LMX1A: variants seen among roughly 807,000 people sequenced by gnomAD.
LMX1A encodes LIM homeobox transcription factor 1-alpha.
Under a neutral mutation model 49.1 loss-of-function variants are expected in LMX1A, and 15 were observed. The observed-to-expected ratio is 0.31, with a 90% CI of 0.20 to 0.47. The LOEUF (loss-of-function observed/expected upper bound fraction) is 0.47. Among genes scored for constraint, LMX1A ranks in the 20% least tolerant of loss-of-function variants. The pLI is 1.00. For synonymous variants in LMX1A, 167 were observed against 185.7 expected (o/e 0.90, Z 0.82); for missense variants, 372 against 475.8 (o/e 0.78, Z 2.03).
chr1:165,236,246 G>C (rs1372326000), intron 4 of LMX1A, among the ~76,000 whole-genome samples: 11 of 152,178 alleles, frequency 7.2e-5, no homozygotes, highest in Non-Finnish European at 1.6e-4. Flanking sequence ...AAGCCTCCGC[G>C]TGCTGGGTTA....
At chr1:165,242,251 A>G (rs940564258) in intron 4 of LMX1A, among the ~76,000 whole-genome samples, 3 of 152,206 alleles carry the variant, frequency 2.0e-5, no homozygotes, top group African/African-American at 7.2e-5. Flanking sequence ...AACGGAGGCT[A>G]TGGAACTGCT....
chr1:165,249,348 C>T, intron 4 of LMX1A, 60 bp downstream of exon 4: 1 of 1,203,538 alleles, frequency 8.3e-7, no homozygotes, highest in Non-Finnish European at 1.2e-6. Context: ...ACAATGCAGA[C>T]AGCCACCCAA....
At chr1:165,275,319 T>C (rs1333261773) in intron 3 of LMX1A, among the ~76,000 whole-genome samples, 2 of 152,224 alleles carry the variant, frequency 1.3e-5, no homozygotes, top group Non-Finnish European at 2.9e-5. Flanking sequence ...AATACATTAA[T>C]GGCAGTTATT....
At chr1:165,323,307 T>C (rs1007100053) in intron 3 of LMX1A, among the ~76,000 whole-genome samples, 2 of 152,196 alleles carry the variant, frequency 1.3e-5, no homozygotes, top group African/African-American at 4.8e-5. Context: ...ACCAAATCTA[T>C]GTAAGGTCAT....
At chr1:165,269,942 G>A (rs1653747246) in intron 3 of LMX1A, among the ~76,000 whole-genome samples, 1 of 151,972 alleles carries the variant, frequency 6.6e-6, no homozygotes, top group South Asian at 2.1e-4. Flanking sequence ...AATGAATGCT[G>A]GGCTTAATAC....
intron 3 of LMX1A, among the ~76,000 whole-genome samples, chr1:165,310,264 G>A (rs555443079): frequency 6.6e-6 from 1 of 152,218 alleles, no homozygotes; most frequent in African/African-American, 2.4e-5. Context: ...CCCAGATTTG[G>A]TCTCTTTCCA....
chr1:165,356,332 T>C (rs1656617918), intron 1 of LMX1A, 23 bp downstream of exon 1: 2 of 152,214 alleles, frequency 1.3e-5, no homozygotes, highest in Admixed American at 6.5e-5. Flanking sequence ...AGCCACAGCC[T>C]AGGCACGGGC....
chr1:165,225,188 G>A (rs1248049238), intron 4 of LMX1A, among the ~76,000 whole-genome samples: 2 of 152,232 alleles, frequency 1.3e-5, no homozygotes, highest in Non-Finnish European at 2.9e-5. Context: ...ACTTGGTCAG[G>A]AGGCCCTCAG....
chr1:165,241,042 T>G (rs1002981810), intron 4 of LMX1A, among the ~76,000 whole-genome samples: 16 of 152,214 alleles, frequency 1.1e-4, no homozygotes, highest in African/African-American at 2.7e-4. Context: ...CAGAAGTAAC[T>G]TCAAGACTGT....
intron 3 of LMX1A, among the ~76,000 whole-genome samples, chr1:165,349,946 T>C (rs1347825606): frequency 6.6e-6 from 1 of 152,218 alleles, no homozygotes; most frequent in Non-Finnish European, 1.5e-5. Flanking sequence ...GTTAATATTA[T>C]GCCTATGATT....
Position 165,353,060 on chromosome 1 carries a change from G to A in LMX1A, c.263+16C>T, listed in dbSNP as rs1367161673. ...TGCCAGTGCGCGGGGAGCGCTGCGG[G>A]GGTGCGGCCACTTACTTCTCGTAGT... On this transcript the variant is annotated intron_variant, in intron 3 of 8. Coordinates refer to ENST00000342310, the MANE Select transcript of LMX1A (RefSeq NM_177398.4). 1.1e-5 allele frequency: 18 copies of A among 1,613,014 alleles called. No individual in the cohort carries two copies. Among genetic ancestry groups the A allele is most frequent in the Non-Finnish European group, 1.4e-5 (16 of 1,179,426 alleles).
chr1:165,321,807 A>G lies in LMX1A; in HGVS notation c.263+31269T>C, dbSNP rs77944138. Among the ~76,000 whole-genome samples, 1,356 of 152,348 alleles carry G rather than the reference A, an allele frequency of 8.9e-3. 10 individuals are homozygous for G. The highest frequency in any genetic ancestry group is 0.014 in the South Asian group (67 of 4,832). Reference sequence around the variant, plus strand: ...TTCTGCATCGAAAGACACAATCAAGAAAATGAAAAGACAACCCACAGAATA... The same window carrying G: ...TTCTGCATCGAAAGACACAATCAAGGAAATGAAAAGACAACCCACAGAATA... On this transcript the variant is annotated intron_variant, in intron 3 of 8. Transcript: ENST00000342310.
Position 165,355,610 on chromosome 1 carries a change from A to G in LMX1A, c.-22-29T>C. On this transcript the variant is annotated intron_variant, in intron 1 of 8. Transcript: ENST00000342310. The surrounding 1 kb of genome is among the most constrained non-coding windows in gnomAD (Gnocchi z 4.7). Reference sequence around the variant, plus strand: ...TAGAGGAGAAGAAACGATGCGTCTGACGTCCGTGCCCGCTGGGACTCGGCG... The same window carrying G: ...TAGAGGAGAAGAAACGATGCGTCTGGCGTCCGTGCCCGCTGGGACTCGGCG... The G allele has an allele frequency of 1.3e-6, 2 of 1,565,448 alleles. No individual in the cohort carries two copies. The highest frequency in any genetic ancestry group is 1.8e-6 in the Non-Finnish European group (2 of 1,142,164).
Position 165,255,096 on chromosome 1 carries a change from C to G in LMX1A, c.264-5456G>C, listed in dbSNP as rs561051541. On this transcript the variant is annotated intron_variant, in intron 3 of 8. Transcript: ENST00000342310. ...GATGCCGTGATAAATAAGGCTGTCCCTCTCCTTAGGGAGTTCACATTCTCT... is the reference window on the plus strand; with the variant it reads ...GATGCCGTGATAAATAAGGCTGTCCGTCTCCTTAGGGAGTTCACATTCTCT... Among the ~76,000 whole-genome samples, 3 of 152,322 alleles carry G rather than the reference C, an allele frequency of 2.0e-5. No individual in the cohort carries two copies. The South Asian group carries it at 6.2e-4, about 32-fold the overall frequency.
intron 3 of LMX1A, among the ~76,000 whole-genome samples, chr1:165,298,956 T>A (rs928227156): frequency 2.0e-5 from 3 of 152,254 alleles, no homozygotes; most frequent in South Asian, 2.1e-4. Flanking sequence ...TACTAAGCTG[T>A]CTTCAATAAT....
At position 165,282,880 on chromosome 1, in the gene LMX1A, T is replaced by C. The variant is rs72702438; in HGVS notation, c.264-33240A>G. Among the ~76,000 whole-genome samples, 386 of 152,366 alleles carry C rather than the reference T, an allele frequency of 2.5e-3. 2 individuals are homozygous for C. The highest frequency in any genetic ancestry group is 4.1e-3 in the Non-Finnish European group (281 of 68,036). On this transcript the variant is annotated intron_variant, in intron 3 of 8. Transcript: ENST00000342310. ...CAGTCAGAGTAATCTTTTTAAAATG[T>C]AAATCATCAGTCCTCAGTGTAAAGC...
intron 3 of LMX1A, among the ~76,000 whole-genome samples, chr1:165,352,574 CGCACAGG>C (rs1447632638): frequency 6.6e-6 from 1 of 152,240 alleles, no homozygotes; most frequent in Non-Finnish European, 1.5e-5. Context: ...GCGGGAAACG[CGCACAGG>C]GCACAGGGGA....
intron 3 of LMX1A, among the ~76,000 whole-genome samples, chr1:165,321,124 TA>T (rs1176533879): frequency 2.6e-4 from 39 of 152,102 alleles, no homozygotes; most frequent in African/African-American, 9.2e-4. Flanking sequence ...TTATGCTGAG[TA>T]AAAGAAGTCA....
intron 3 of LMX1A, among the ~76,000 whole-genome samples, chr1:165,285,678 G>C (rs1274949907): frequency 2.0e-5 from 3 of 152,202 alleles, no homozygotes; most frequent in Admixed American, 1.3e-4. Context: ...TGATGGACTA[G>C]GGCTTAGGCT....
Sources: allele counts gnomAD v4.1 joint callset (sites outside exome capture counted in the v4.1 genomes callset), GRCh38; gene constraint gnomAD v4.1.1; non-coding constraint Gnocchi (gnomAD v3.1); transcripts MANE v1.5; gene names NCBI Gene and HGNC (gene_info 2026-07-23, HGNC 2026-07-21).